Variants in MADD observed in about 807,000 individuals in gnomAD.
The protein encoded by MADD is MAP kinase activating death domain, also known as MAP kinase-activating death domain protein.
MADD carries 109 observed loss-of-function variants against 176.7 expected under a neutral mutation model. The observed-to-expected ratio is 0.62, with a 90% CI of 0.53 to 0.72. MADD has a LOEUF of 0.72. Among genes scored for constraint, MADD ranks in the 30% least tolerant of loss-of-function variants. The pLI is 0.00. For missense variants in MADD, 1,914 were observed against 2,045.5 expected (o/e 0.94, Z 1.24); for synonymous variants, 771 against 771.3 (o/e 1.00, Z 0.01).
chr11:47,271,686 T>C (rs1366009833), intron 1 of MADD, among the ~76,000 whole-genome samples: 2 of 152,198 alleles, frequency 1.3e-5, no homozygotes, highest in African/African-American at 4.8e-5. Flanking sequence ...CTGTTTTACT[T>C]TAAGATACTT....
chr11:47,272,595 A>G (rs2045694210), intron 1 of MADD, among the ~76,000 whole-genome samples: 2 of 152,190 alleles, frequency 1.3e-5, no homozygotes, highest in Non-Finnish European at 2.9e-5. Context: ...AAGAACTTCT[A>G]CTCATAGAAG....
chr11:47,304,065 T>C (rs1037095022), intron 22 of MADD, among the ~76,000 whole-genome samples: 1 of 152,174 alleles, frequency 6.6e-6, no homozygotes, highest in South Asian at 2.1e-4. Flanking sequence ...TCCAATAATA[T>C]GAATATTTGT....
chr11:47,326,595 G>A (rs1243282637), intron 30 of MADD, 43 bp downstream of exon 34: 7 of 1,446,148 alleles, frequency 4.8e-6, no homozygotes, highest in African/African-American at 1.4e-5. Flanking sequence ...GCGCTTTTGA[G>A]TTGTGTGCGT....
intron 22 of MADD, among the ~76,000 whole-genome samples, chr11:47,303,292 A>G (rs1433669526): frequency 7.8e-6 from 1 of 128,370 alleles, no homozygotes; most frequent in East Asian, 2.3e-4. Flanking sequence ...CCCAGGCTGG[A>G]GTACAGTGGT....
chr11:47,275,115 G>A (rs2048446747), exon 3 of MADD: 1 of 1,614,066 alleles, frequency 6.2e-7, no homozygotes, highest in Non-Finnish European at 8.5e-7. Flanking sequence ...GCTGTAGTGA[G>A]CGCCTTCTGG....
At chr11:47,283,354 A>G (rs1038300306) in intron 10 of MADD, among the ~76,000 whole-genome samples, 4 of 151,962 alleles carry the variant, frequency 2.6e-5, no homozygotes, top group African/African-American at 9.7e-5. Flanking sequence ...CGGCCTCCCA[A>G]AGTGCTGAGA....
intron 32 of MADD, 66 bp downstream of exon 36, chr11:47,328,770 G>A: frequency 6.2e-7 from 1 of 1,601,490 alleles, no homozygotes; most frequent in Non-Finnish European, 8.5e-7. Context: ...CTTCGGACAG[G>A]AGGAGGGGAG....
rs376711119 is a variant in MADD, at chr11:47,323,706, C to T, written c.4233C>T (p.Ile1411=). The T allele has an allele frequency of 5.6e-5, 91 of 1,613,832 alleles. No homozygotes were observed. The highest frequency in any genetic ancestry group is 4.5e-4 in the African/African-American group (34 of 74,918). The change falls in exon 28 of 33, where the codon ATC becomes ATT. Residue 1411 remains isoleucine (I), a synonymous_variant. Transcript: ENST00000402192. ...ACTGTGTGGTGTTGCGTAGTAACATCGGAACAGTGTATGAGCGCTGGTGGT... is the reference window on the plus strand; with the variant it reads ...ACTGTGTGGTGTTGCGTAGTAACATTGGAACAGTGTATGAGCGCTGGTGGT...
chr11:47,327,242 A>G (rs1052733448), intron 31 of MADD: 17 of 996,010 alleles, frequency 1.7e-5, no homozygotes, highest in African/African-American at 5.2e-5. Flanking sequence ...CCTCTGTGCC[A>G]GACAAAGGGG....
intron 19 of MADD, among the ~76,000 whole-genome samples, chr11:47,291,118 C>T (rs1170881074): frequency 1.3e-5 from 2 of 152,096 alleles, no homozygotes; most frequent in African/African-American, 4.8e-5. Context: ...TTTACGTCTG[C>T]ATTTCTTCAC....
At chr11:47,289,543 G>T (rs1427940756) in intron 16 of MADD, 50 bp downstream of exon 17, 4 of 1,495,642 alleles carry the variant, frequency 2.7e-6, no homozygotes, top group South Asian at 2.3e-5. Flanking sequence ...AGGTGGGGTG[G>T]TTCCTCTACA....
Position 47,282,626 on chromosome 11 carries a change from C to T in MADD, c.1705+10C>T, listed in dbSNP as rs771177061. On this transcript the variant is annotated intron_variant, in intron 9 of 32. Transcript: ENST00000402192. ...CAGCGAATTCACAACAGTGAGTCTACCTGCCCTCTGCTCCGCTCTGCCTTG... is the reference window on the plus strand; with the variant it reads ...CAGCGAATTCACAACAGTGAGTCTATCTGCCCTCTGCTCCGCTCTGCCTTG... The T allele has an allele frequency of 7.4e-6, 12 of 1,613,168 alleles. No individual in the cohort carries two copies. In the South Asian group the frequency reaches 1.3e-4, roughly 18 times the overall value.
At chr11:47,285,220 A>T in intron 13 of MADD, 26 bp downstream of exon 13, 1 of 1,608,630 alleles carries the variant, frequency 6.2e-7, no homozygotes, top group East Asian at 2.2e-5. Context: ...TCCCTTCTAG[A>T]TGGGTGACTG....
chr11:47,325,053 C>T lies in MADD; in HGVS notation c.4542+476C>T, dbSNP rs775247098. 8 of 399,600 alleles carry T rather than the reference C, an allele frequency of 2.0e-5. No individual in the cohort carries two copies. Among genetic ancestry groups the T allele is most frequent in the East Asian group, 4.9e-5 (1 of 20,560 alleles). The allele number at this position is 399,600 out of a possible 1,614,324, so 24.8% of individuals were successfully genotyped here. A position where few individuals can be genotyped will look rare whatever the true frequency, so the allele number is the denominator to read the frequency against. ...TGTGTGTAAGTAGCTTGTATCTGTC[C>T]TCTCTGGAGTGTGTTTATTTGCCTT... On this transcript the variant is annotated intron_variant, in intron 30 of 32. Transcript: ENST00000402192. The surrounding 1 kb of genome is among the most constrained non-coding windows in gnomAD (Gnocchi z 4.5).
At position 47,289,812 on chromosome 11, in the gene MADD, G is replaced by A. The variant is rs2063707056; in HGVS notation, c.2757-55G>A. 4.4e-6 allele frequency: 7 copies of A among 1,586,942 alleles called. No individual in the cohort carries two copies. The South Asian group carries it at 5.6e-5, about 13-fold the overall frequency. On this transcript the variant is annotated intron_variant, in intron 16 of 32. Transcript: ENST00000402192. The stretch of plus-strand genomic sequence containing the variant: ...AGACATCTAGTCTGGGTGAAAGGTG[G>A]GGGGTGCTCTGCAAAGGAGCTGATG...
chr11:47,324,819 G>T, intron 30 of MADD: 1 of 662,906 alleles, frequency 1.5e-6, no homozygotes, highest in Non-Finnish European at 2.7e-6. Flanking sequence ...GCGAGGCCAG[G>T]TGGCCACGCT....
At chr11:47,308,465 G>A (rs1450326486) in intron 22 of MADD, 126 bp from the exon 25 acceptor site, 6 of 605,386 alleles carry the variant, frequency 9.9e-6, no homozygotes, top group African/African-American at 9.2e-5. Context: ...GCAGAAGCAG[G>A]GGTACTGGAG....
intron 29 of MADD, 64 bp downstream of exon 32, chr11:47,324,401 C>T: frequency 6.2e-7 from 1 of 1,601,052 alleles, no homozygotes; most frequent in South Asian, 1.1e-5. Context: ...GTGTCAGGGG[C>T]CTGGCAGGGA....
intron 26 of MADD, among the ~76,000 whole-genome samples, chr11:47,314,262 G>C (rs59350929): frequency 3.3e-5 from 5 of 150,376 alleles, no homozygotes; most frequent in African/African-American, 1.2e-4. Context: ...TGGAGAATAG[G>C]GTCTCACTTT....
Sources: gnomAD v4.1 joint callset for allele counts (sites outside exome capture counted in the v4.1 genomes callset) on GRCh38, gnomAD v4.1.1 for gene constraint, Gnocchi (gnomAD v3.1) non-coding constraint, MANE v1.5 for transcripts, NCBI Gene and HGNC (gene_info 2026-07-23, HGNC 2026-07-21) for gene names.